Variants in SOX6 observed in about 807,000 individuals in gnomAD.
SOX6 encodes the protein transcription factor SOX-6.
Under a neutral mutation model 97.8 loss-of-function variants are expected in SOX6, and 11 were observed. The ratio of observed to expected loss-of-function variants is 0.11; its 90% CI spans 0.07 to 0.19. SOX6 has a LOEUF of 0.19. Among genes scored for constraint, SOX6 ranks in the 10% least tolerant of loss-of-function variants. SOX6 has a pLI of 1.00. For synonymous variants in SOX6, 360 were observed against 371.4 expected (o/e 0.97, Z 0.35); for missense variants, 810 against 1,039.5 (o/e 0.78, Z 3.04).
chr11:16,695,260 T>C (rs1485021708), intron 3 of SOX6, among the ~76,000 whole-genome samples: 1 of 152,220 alleles, frequency 6.6e-6, no homozygotes, highest in Non-Finnish European at 1.5e-5. Flanking sequence ...TGCACAAAGG[T>C]GAATTCTGCA....
At chr11:16,279,166 C>T (rs1403374074) in intron 3 of SOX6, among the ~76,000 whole-genome samples, 3 of 152,048 alleles carry the variant, frequency 2.0e-5, no homozygotes, top group Non-Finnish European at 4.4e-5. Flanking sequence ...AAAAGTCCCA[C>T]TATTGAAATA....
chr11:16,434,865 A>G, intron 1 of SOX6, among the ~76,000 whole-genome samples: 1 of 152,198 alleles, frequency 6.6e-6, no homozygotes, highest in East Asian at 1.9e-4. Flanking sequence ...ATTTAAAGAT[A>G]TATTTAATTA....
At chr11:16,434,733 G>A (rs772925092) in intron 1 of SOX6, among the ~76,000 whole-genome samples, 2 of 152,074 alleles carry the variant, frequency 1.3e-5, no homozygotes, top group Non-Finnish European at 2.9e-5. Context: ...AGTTTTGAAA[G>A]TGAATAGAAA....
At chr11:16,169,468 A>G (rs916920404) in intron 6 of SOX6, among the ~76,000 whole-genome samples, 1 of 152,156 alleles carries the variant, frequency 6.6e-6, no homozygotes, top group Non-Finnish European at 1.5e-5. Flanking sequence ...GGATTATAAT[A>G]CAAGTTGAAA....
At chr11:16,058,509 T>C (rs1436875648) in intron 9 of SOX6, among the ~76,000 whole-genome samples, 1 of 152,118 alleles carries the variant, frequency 6.6e-6, no homozygotes, top group Non-Finnish European at 1.5e-5. Context: ...TATTGATTTA[T>C]GGGCTTCAGC....
intron 4 of SOX6, among the ~76,000 whole-genome samples, chr11:16,608,468 GA>G (rs1565192107): frequency 1.3e-5 from 2 of 150,828 alleles, no homozygotes; most frequent in South Asian, 4.2e-4. Context: ...GAAGGAAAAC[GA>G]AAAAAAGAAG....
intron 3 of SOX6, among the ~76,000 whole-genome samples, chr11:16,293,617 C>T (rs1253270133): frequency 6.6e-6 from 1 of 152,022 alleles, no homozygotes; most frequent in Non-Finnish European, 1.5e-5. Flanking sequence ...TTTGGCAACA[C>T]ATCCTTAAGT....
intron 4 of SOX6, among the ~76,000 whole-genome samples, chr11:16,578,308 T>A (rs921073151): frequency 2.6e-5 from 4 of 152,192 alleles, no homozygotes; most frequent in African/African-American, 9.6e-5. Flanking sequence ...AAAAGAAGAT[T>A]TCAGAATCAC....
At chr11:16,218,558 G>A (rs1213242018) in intron 4 of SOX6, among the ~76,000 whole-genome samples, 1 of 152,052 alleles carries the variant, frequency 6.6e-6, no homozygotes, top group Admixed American at 6.6e-5. Context: ...TTGTGCACCT[G>A]TTGTGATGGA....
At chr11:16,537,979 C>T (rs557569975) in intron 4 of SOX6, among the ~76,000 whole-genome samples, 4 of 152,082 alleles carry the variant, frequency 2.6e-5, no homozygotes, top group Non-Finnish European at 5.9e-5. Context: ...CAGAGAACAC[C>T]ACAATGATAC....
At chr11:16,201,889 T>A (rs1851951133) in intron 4 of SOX6, among the ~76,000 whole-genome samples, 1 of 135,410 alleles carries the variant, frequency 7.4e-6, no homozygotes, top group African/African-American at 2.8e-5. Flanking sequence ...CGCCTCGGCC[T>A]CCCAAAGTGC....
intron 15 of SOX6, among the ~76,000 whole-genome samples, chr11:15,978,573 A>G (rs1853561511): frequency 6.6e-6 from 1 of 151,358 alleles, no homozygotes; most frequent in Non-Finnish European, 1.5e-5. Flanking sequence ...TAAGCACCGA[A>G]GTCCCCATGG....
At chr11:15,985,252 G>T (rs530947751) in intron 15 of SOX6, among the ~76,000 whole-genome samples, 5 of 152,104 alleles carry the variant, frequency 3.3e-5, no homozygotes, top group African/African-American at 1.2e-4. Context: ...CTCCTTTAAG[G>T]TACCTCTTTT....
chr11:16,611,737 T>C (rs538246844), intron 4 of SOX6, among the ~76,000 whole-genome samples: 3 of 152,296 alleles, frequency 2.0e-5, no homozygotes, highest in East Asian at 3.9e-4. Context: ...CCTTAAGATG[T>C]CATTCTGCAA....
chr11:16,176,047 G>A (rs1851173962), intron 6 of SOX6, among the ~76,000 whole-genome samples: 1 of 144,796 alleles, frequency 6.9e-6, no homozygotes, highest in African/African-American at 2.6e-5. Context: ...CAGGATGGAT[G>A]GATGGACGGA....
intron 3 of SOX6, chr11:16,312,312 G>A (rs1279184886): frequency 1.3e-5 from 2 of 152,112 alleles, no homozygotes; most frequent in Non-Finnish European, 2.9e-5. Context: ...AAGAGCCATA[G>A]AGTCAGGAAT....
intron 10 of SOX6, among the ~76,000 whole-genome samples, chr11:16,054,820 A>T (rs1847774748): frequency 6.6e-6 from 1 of 152,168 alleles, no homozygotes; most frequent in Non-Finnish European, 1.5e-5. Flanking sequence ...CTCTGTTTGA[A>T]TTTGATAATT....
intron 1 of SOX6, among the ~76,000 whole-genome samples, chr11:16,466,781 A>C (rs1215479581): frequency 2.7e-5 from 4 of 150,834 alleles, no homozygotes; most frequent in Middle Eastern, 3.4e-3. Flanking sequence ...ATACAAAAAA[A>C]TTAGCCGGGC....
At chr11:16,483,603 A>G (rs1376737559) in intron 4 of SOX6, among the ~76,000 whole-genome samples, 1 of 152,004 alleles carries the variant, frequency 6.6e-6, no homozygotes, top group Non-Finnish European at 1.5e-5. Context: ...AGCTGGACAC[A>G]CCCTCGCTGG....
Sources: gnomAD v4.1 joint callset for allele counts (sites outside exome capture counted in the v4.1 genomes callset) on GRCh38, gnomAD v4.1.1 for gene constraint, MANE v1.5 for transcripts, NCBI Gene and HGNC (gene_info 2026-07-23, HGNC 2026-07-21) for gene names.